Variants in MBD5 observed in about 807,000 individuals in gnomAD.
The protein encoded by MBD5 is methyl-CpG-binding domain protein 5.
MBD5 carries 13 observed loss-of-function variants against 117.3 expected under a neutral mutation model. The ratio of observed to expected loss-of-function variants is 0.11; its 90% CI spans 0.07 to 0.18. The LOEUF (loss-of-function observed/expected upper bound fraction) is 0.18, where lower values mean the gene tolerates loss of function less well. Ranked by LOEUF, MBD5 falls within the 10% of genes least tolerant of loss-of-function variation. MBD5 has a pLI of 1.00. For synonymous variants in MBD5, 727 were observed against 766.4 expected, an observed-to-expected ratio of 0.95 and a Z score of 0.85; for missense variants, 1,879 against 2,093.8, an observed-to-expected ratio of 0.90 and a Z score of 2.00.
At chr2:148,076,384 A>G (rs916186211) in intron 1 of MBD5, among the ~76,000 whole-genome samples, 2 of 152,208 alleles carry the variant, frequency 1.3e-5, no homozygotes, top group African/African-American at 4.8e-5. Flanking sequence ...TAAAAACAAC[A>G]AAGGTTTATT....
chr2:148,398,171 T>G (rs986483296), intron 4 of MBD5, among the ~76,000 whole-genome samples: 10 of 152,204 alleles, frequency 6.6e-5, no homozygotes, highest in Admixed American at 4.6e-4. Flanking sequence ...ATATACCCAG[T>G]AATGGGATGG....
intron 1 of MBD5, among the ~76,000 whole-genome samples, chr2:148,087,963 A>T (rs148668442): frequency 5.3e-4 from 81 of 152,240 alleles, no homozygotes; most frequent in African/African-American, 1.1e-3. Flanking sequence ...AATAAATTTT[A>T]AAAAAATACA....
intron 1 of MBD5, among the ~76,000 whole-genome samples, chr2:148,043,161 C>G (rs12105411): frequency 6.6e-6 from 1 of 151,618 alleles, no homozygotes. Context: ...CACTGTGGCT[C>G]ACACCTGTAA....
chr2:148,357,389 C>G (rs11691712), intron 4 of MBD5, among the ~76,000 whole-genome samples: 1 of 152,048 alleles, frequency 6.6e-6, no homozygotes, highest in Non-Finnish European at 1.5e-5. Flanking sequence ...GGTGATGCTC[C>G]ACTCTCTTCA....
chr2:148,085,290 T>C (rs908516077), intron 1 of MBD5, among the ~76,000 whole-genome samples: 7 of 152,252 alleles, frequency 4.6e-5, no homozygotes, highest in Non-Finnish European at 8.8e-5. Flanking sequence ...GATTAGAAAC[T>C]AATTTAAACC....
chr2:148,471,880 G>A (rs1003789862), intron 8 of MBD5: 22 of 151,872 alleles, frequency 1.4e-4, no homozygotes, highest in South Asian at 4.2e-4. Context: ...TAGATAACTC[G>A]ACACAAATGA....
At chr2:148,082,362 T>C (rs1246402929) in intron 1 of MBD5, among the ~76,000 whole-genome samples, 2 of 152,208 alleles carry the variant, frequency 1.3e-5, no homozygotes, top group Non-Finnish European at 2.9e-5. Flanking sequence ...GTATCTTTAT[T>C]CCTTTTGACT....
At chr2:148,040,497 A>G (rs574475292) in intron 1 of MBD5, among the ~76,000 whole-genome samples, 1 of 152,352 alleles carries the variant, frequency 6.6e-6, no homozygotes, top group Non-Finnish European at 1.5e-5. Context: ...CTAATTAAAT[A>G]AAACTAAGTT....
chr2:148,054,765 T>C (rs1694811908), intron 1 of MBD5: 1 of 152,230 alleles, frequency 6.6e-6, no homozygotes, highest in Non-Finnish European at 1.5e-5. Flanking sequence ...TGAGAAACAC[T>C]ACCCTTGGGT....
At chr2:148,239,431 C>T (rs544823246) in intron 3 of MBD5, among the ~76,000 whole-genome samples, 50 of 152,186 alleles carry the variant, frequency 3.3e-4, no homozygotes, top group Admixed American at 2.1e-3. Flanking sequence ...AAATGCCCTA[C>T]GACTTTAGAG....
At chr2:148,148,515 A>T (rs1449820278) in intron 1 of MBD5, among the ~76,000 whole-genome samples, 2 of 152,198 alleles carry the variant, frequency 1.3e-5, no homozygotes, top group African/African-American at 4.8e-5. Flanking sequence ...GGTGATTTTG[A>T]CAATGTTTGC....
intron 3 of MBD5, among the ~76,000 whole-genome samples, chr2:148,313,685 G>T (rs1365388734): frequency 6.6e-6 from 1 of 152,216 alleles, no homozygotes; most frequent in Non-Finnish European, 1.5e-5. Context: ...CACCACTGGG[G>T]TATGAACAAA....
intron 1 of MBD5, among the ~76,000 whole-genome samples, chr2:148,024,742 T>C (rs1264051959): frequency 6.6e-6 from 1 of 152,196 alleles, no homozygotes; most frequent in Non-Finnish European, 1.5e-5. Flanking sequence ...TCCCTTCTTA[T>C]ACAGGAAGCA....
In MBD5 at chr2:148,469,541, T is replaced by C. The variant is rs1680719593; in HGVS notation, c.1598T>C (p.Leu533Pro). The change falls in exon 8 of 14, where the codon CTA becomes CCA. Residue 533 changes from leucine (L) to proline (P), a missense_variant. Physicochemically the swap from Leu to Pro is moderately conservative, Grantham distance 98 (BLOSUM62 -3). Coordinates refer to ENST00000642680, the MANE Select transcript of MBD5 (RefSeq NM_001378120.1). ...NPLIAGISNV[L>P]NTPSSAAFPT... ...TTAATTGCTGGAATAAGTAATGTAC[T>C]AAATACCCCAAGCAGTGCAGCTTTT... The C allele has an allele frequency of 6.2e-7, 1 of 1,613,824 alleles. No individual in the cohort carries two copies. Among genetic ancestry groups the C allele is most frequent in the Non-Finnish European group, 8.5e-7 (1 of 1,179,926 alleles).
At chr2:148,383,798 G>A (rs1377764314) in intron 4 of MBD5, among the ~76,000 whole-genome samples, 1 of 152,094 alleles carries the variant, frequency 6.6e-6, no homozygotes, top group East Asian at 1.9e-4. Flanking sequence ...ATGCAAGGCT[G>A]GTTCAACATA....
At chr2:148,430,984 T>A (rs543620964) in intron 4 of MBD5, among the ~76,000 whole-genome samples, 16 of 152,270 alleles carry the variant, frequency 1.1e-4, no homozygotes, top group Admixed American at 3.3e-4. Flanking sequence ...ACTGGCTTTT[T>A]ATGAGTTTAC....
Position 148,213,444 on chromosome 2 carries a change from C to G in MBD5, c.-830-19801C>G, listed in dbSNP as rs180897673. Among the ~76,000 whole-genome samples, 21 of 152,048 alleles carry G rather than the reference C, an allele frequency of 1.4e-4. No homozygotes were observed. In the East Asian group the frequency reaches 3.1e-3, roughly 22 times the overall value. On this transcript the variant is annotated intron_variant, in intron 2 of 13. Transcript: ENST00000642680. ...TTTAAATTATGTATGGGGCAGGGAG[C>G]AGGGAATAGGAGGACTTAACAACAG...
At chr2:148,106,562 G>T (rs1696378349) in intron 1 of MBD5, among the ~76,000 whole-genome samples, 1 of 151,668 alleles carries the variant, frequency 6.6e-6, no homozygotes, top group Non-Finnish European at 1.5e-5. Context: ...TGTATTTGCT[G>T]TTATATTTGA....
intron 3 of MBD5, among the ~76,000 whole-genome samples, chr2:148,284,140 G>C (rs1434763480): frequency 6.6e-6 from 1 of 151,996 alleles, no homozygotes; most frequent in Non-Finnish European, 1.5e-5. Context: ...AATGGAGTTT[G>C]GGGGATTAAA....
Sources: allele counts gnomAD v4.1 joint callset (sites outside exome capture counted in the v4.1 genomes callset), GRCh38; gene constraint gnomAD v4.1.1; transcripts MANE v1.5; gene names NCBI Gene and HGNC (gene_info 2026-07-23, HGNC 2026-07-21).